The following CDKL5 variants were observed in gnomAD, a reference collection of about 807,000 sequenced individuals.
CDKL5 encodes cyclin-dependent kinase-like 5.
CDKL5 carries 8 observed loss-of-function variants against 61.7 expected under a neutral mutation model. The observed-to-expected ratio is 0.13, with a 90% confidence interval of 0.08 to 0.23. CDKL5 has a LOEUF of 0.23. Ranked by LOEUF, CDKL5 falls within the 10% of genes least tolerant of loss-of-function variation. The probability of loss-of-function intolerance (pLI) is 1.00; values close to 1 mark genes in which losing one functional copy is unlikely to be tolerated. For missense variants in CDKL5, 440 were observed against 734.5 expected (o/e 0.60, Z 4.63); for synonymous variants, 275 against 272.3 (o/e 1.01, Z -0.10).
intron 6 of CDKL5, among the ~76,000 whole-genome samples, chrX:18,580,214 A>G (rs996131274): frequency 1.8e-5 from 2 of 112,168 alleles, no homozygotes; most frequent in Non-Finnish European, 3.8e-5. Flanking sequence ...TAACTATTAT[A>G]GATCCACTCC....
At chrX:18,437,767 A>AT (rs1569182590) in intron 1 of CDKL5, among the ~76,000 whole-genome samples, 2 of 112,004 alleles carry the variant, frequency 1.8e-5, no homozygotes, top group South Asian at 3.7e-4. Flanking sequence ...TAAAGGTGTT[A>AT]TTTTTTATAT....
At chrX:18,450,591 T>G (rs1331483671) in intron 1 of CDKL5, among the ~76,000 whole-genome samples, 5 of 111,747 alleles carry the variant, frequency 4.5e-5, no homozygotes, top group Admixed American at 9.6e-5. Flanking sequence ...GCTTTTTTTT[T>G]GAGACAGAGT....
In CDKL5 at chrX:18,528,247, T is replaced by TC. The variant is rs1289853991; in HGVS notation, c.99+17393_99+17394insC. Among the ~76,000 whole-genome samples, 3 of 104,973 alleles carry TC rather than the reference T, an allele frequency of 2.9e-5. No individual in the cohort carries two copies. In the East Asian group the frequency reaches 8.8e-4, roughly 31 times the overall value. 91.2% of individuals were successfully genotyped at this position (104,973 alleles called of 115,157 possible). On this transcript the variant is annotated intron_variant, in intron 3 of 17. Coordinates refer to ENST00000623535, the MANE Select transcript of CDKL5 (RefSeq NM_001323289.2). ...TAGATACCCATACTCATTTTTTTTT[T>TC]TTTTTTTTTTTTGCCTGCTGTATCT...
At position 18,633,112 on chromosome X, in the gene CDKL5, A is replaced by G; in HGVS notation, c.*4355A>G. ...CTGCACGTTCTCTGCTGGTCAGAACATGTTTCCTGGAGAGCATTGCTTTTC... is the reference window on the plus strand; with the variant it reads ...CTGCACGTTCTCTGCTGGTCAGAACGTGTTTCCTGGAGAGCATTGCTTTTC... On this transcript the variant is annotated 3_prime_UTR_variant, in exon 18 of 18. Coordinates refer to ENST00000623535, the MANE Select transcript of CDKL5 (RefSeq NM_001323289.2). The G allele has an allele frequency of 1.3e-6, 1 of 754,166 alleles. No homozygotes were observed. The highest frequency in any genetic ancestry group is 2.3e-5 in the African/African-American group (1 of 43,737). The allele number at this position is 754,166 out of a possible 1,213,427, so 62.2% of individuals were successfully genotyped here.
At chrX:18,595,289 C>G in intron 9 of CDKL5, 59 bp from the exon 10 acceptor site, 1 of 781,123 alleles carries the variant, frequency 1.3e-6, no homozygotes, top group Non-Finnish European at 2.0e-6. Flanking sequence ...CACTCACAAG[C>G]ACGTGCACAC....
At chrX:18,437,889 T>C (rs924357257) in intron 1 of CDKL5, among the ~76,000 whole-genome samples, 1 of 112,097 alleles carries the variant, frequency 8.9e-6, no homozygotes, top group African/African-American at 3.2e-5. Context: ...GAGCATTCAT[T>C]CAAGTCTTTC....
At chrX:18,474,269 TG>T (rs1445244744) in intron 1 of CDKL5, among the ~76,000 whole-genome samples, 1 of 111,668 alleles carries the variant, frequency 9.0e-6, no homozygotes, top group Non-Finnish European at 1.9e-5. Flanking sequence ...TACAAGACCG[TG>T]AGGAGATTAT....
At chrX:18,526,886 C>T (rs769897533) in intron 3 of CDKL5, among the ~76,000 whole-genome samples, 6 of 110,109 alleles carry the variant, frequency 5.4e-5, no homozygotes, top group South Asian at 3.9e-4. Flanking sequence ...TGGGTTCAGG[C>T]GATTCTCCTG....
intron 4 of CDKL5, among the ~76,000 whole-genome samples, chrX:18,569,489 A>G (rs1210091609): frequency 1.8e-5 from 2 of 112,138 alleles, no homozygotes; most frequent in African/African-American, 6.5e-5. Flanking sequence ...AATTTAGTCC[A>G]GTTCTTCTAC....
chrX:18,451,716 T>G (rs1274470909), intron 1 of CDKL5, among the ~76,000 whole-genome samples: 2 of 110,388 alleles, frequency 1.8e-5, no homozygotes, highest in African/African-American at 6.6e-5. Flanking sequence ...TTTTGTAATT[T>G]TTGGTAGAGA....
rs376557374 is a variant in CDKL5 at position 18,650,479 on chromosome X, G to A, written c.2867G>A (p.Arg956His). 24 of 1,210,065 alleles carry A rather than the reference G, an allele frequency of 2.0e-5. No homozygotes were observed. In the East Asian group the frequency reaches 4.1e-4, roughly 21 times the overall value. ...TGCGTCCCAAACCGAGCCCTTCATC[G>A]TCCAATCTCCAGTCCTGCTCCCTAT... Residue 956 changes from arginine to histidine, a missense_variant, in exon 21 of 22, where the codon CGT becomes CAT. Arg to His is a conservative substitution (Grantham distance 29, BLOSUM62 0). Coordinates refer to the CDKL5 transcript ENST00000379989.
chrX:18,545,879 T>C (rs768984188), intron 3 of CDKL5, among the ~76,000 whole-genome samples: 20 of 112,286 alleles, frequency 1.8e-4, no homozygotes, highest in Non-Finnish European at 2.6e-4. Context: ...TGAATACATT[T>C]TGTTGATATA....
chrX:18,594,165 G>A (rs1417498991), intron 9 of CDKL5, among the ~76,000 whole-genome samples: 1 of 111,957 alleles, frequency 8.9e-6, no homozygotes, highest in African/African-American at 3.2e-5. Flanking sequence ...CATGTTTAGG[G>A]ATTTCGGTAC....
intron 3 of CDKL5, among the ~76,000 whole-genome samples, chrX:18,517,704 C>T (rs1357370710): frequency 9.0e-6 from 1 of 111,606 alleles, no homozygotes; most frequent in Non-Finnish European, 1.9e-5. Context: ...GTAATTTAAG[C>T]ATAGCTCTTT....
chrX:18,623,409 C>T (rs1000495156), intron 16 of CDKL5, among the ~76,000 whole-genome samples: 7 of 111,466 alleles, frequency 6.3e-5, no homozygotes, highest in African/African-American at 2.3e-4. Flanking sequence ...TGACCAAATT[C>T]GAAAGGGTTT....
chrX:18,439,045 G>GCCCCCCCCC (rs367844172), intron 1 of CDKL5, among the ~76,000 whole-genome samples: 145 of 37,448 alleles, frequency 3.9e-3, no homozygotes, highest in Non-Finnish European at 4.5e-3. Flanking sequence ...GCCCCTTTTT[G>GCCCCCCCCC]CCCCCCCCCC....
At chrX:18,438,695 C>T (rs1276683790) in intron 1 of CDKL5, among the ~76,000 whole-genome samples, 1 of 103,005 alleles carries the variant, frequency 9.7e-6, no homozygotes. Flanking sequence ...GAGGCTGAGG[C>T]AGTAGAATCT....
At chrX:18,520,393 G>A (rs1248646763) in intron 3 of CDKL5, among the ~76,000 whole-genome samples, 1 of 112,042 alleles carries the variant, frequency 8.9e-6, no homozygotes, top group Non-Finnish European at 1.9e-5. Context: ...GTTTATCCAC[G>A]TTGTAGCATG....
intron 1 of CDKL5, among the ~76,000 whole-genome samples, chrX:18,474,729 CTTT>C (rs745409544): frequency 9.0e-6 from 1 of 111,451 alleles, no homozygotes; most frequent in Non-Finnish European, 1.9e-5. Flanking sequence ...GGGACCTTAA[CTTT>C]TAGTAGTGGA....
Sources: allele counts gnomAD v4.1 joint callset (sites outside exome capture counted in the v4.1 genomes callset), GRCh38; gene constraint gnomAD v4.1.1; transcripts MANE v1.5; gene names NCBI Gene and HGNC (gene_info 2026-07-23, HGNC 2026-07-21).